The following NRXN2 variants were observed in gnomAD, a reference collection of about 807,000 sequenced individuals.
NRXN2 encodes neurexin-2-beta.
Under a neutral mutation model 128.8 loss-of-function variants are expected in NRXN2, and 29 were observed. The ratio of observed to expected loss-of-function variants is 0.23; its 90% CI spans 0.17 to 0.31. The LOEUF (loss-of-function observed/expected upper bound fraction) is 0.31. NRXN2 is among the 10% of genes least tolerant of loss of function. The pLI is 1.00. For missense variants in NRXN2, 1,881 were observed against 2,452.6 expected (o/e 0.77, Z 4.92); for synonymous variants, 1,098 against 1,075.2 (o/e 1.02, Z -0.41).
chr11:64,667,153 G>T lies in NRXN2; in HGVS notation c.1798+97C>A. On this transcript the variant is annotated intron_variant, in intron 9 of 22. Coordinates refer to ENST00000265459, the MANE Select transcript of NRXN2 (RefSeq NM_015080.4). This position sits in a 1 kb window ranked among gnomAD's most constrained non-coding sequence, Gnocchi z 5.6. ...AGCGGCAGGGAAGAATATAGGAAATGGTGTAGAAGAGACCCGCTGAAGAGA... is the reference window on the plus strand; with the variant it reads ...AGCGGCAGGGAAGAATATAGGAAATTGTGTAGAAGAGACCCGCTGAAGAGA... 8.3e-7 allele frequency: 1 copy of T among 1,207,654 alleles called. No individual in the cohort carries two copies. The allele number at this position is 1,207,654 out of a possible 1,614,324, so 74.8% of individuals were successfully genotyped here.
chr11:64,661,502 C>A, intron 9 of NRXN2: 2 of 720,670 alleles, frequency 2.8e-6, no homozygotes, highest in East Asian at 6.1e-5. Context: ...GTCATTCCTG[C>A]CAGCCAGTTC....
chr11:64,649,833 C>T lies in NRXN2; in HGVS notation c.3109+615G>A, dbSNP rs149561913. Among the ~76,000 whole-genome samples, 503 of 152,192 alleles carry T rather than the reference C, an allele frequency of 3.3e-3. 3 individuals carry two copies. The highest frequency in any genetic ancestry group is 0.011 in the African/African-American group (459 of 41,502). On this transcript the variant is annotated intron_variant, in intron 15 of 22. Transcript: ENST00000265459. ...CTGGAGAAGCTGCATCTTTCCTGTC[C>T]CAATGCTCAGGCCTTAGCTCACCCT...
Position 64,635,521 on chromosome 11 carries a change from G to T in NRXN2, c.3404-69C>A, listed in dbSNP as rs920588885. 9 of 1,536,314 alleles carry T rather than the reference G, an allele frequency of 5.9e-6. No homozygotes were observed. The highest frequency in any genetic ancestry group is 4.1e-5 in the African/African-American group (3 of 73,388). On this transcript the variant is annotated intron_variant, in intron 17 of 22. Coordinates refer to ENST00000265459, the MANE Select transcript of NRXN2 (RefSeq NM_015080.4). This position sits in a 1 kb window ranked among gnomAD's most constrained non-coding sequence, Gnocchi z 4.8. ...AGGACGAGGTCAGCAGGTCCTCAGG[G>T]TTGTGACCAGAGGGATGGAACCCCA... is the stretch of plus-strand genomic sequence containing the variant.
intron 17 of NRXN2, among the ~76,000 whole-genome samples, chr11:64,646,031 AAGG>A (rs1211686429): frequency 6.6e-6 from 1 of 152,118 alleles, no homozygotes; most frequent in Non-Finnish European, 1.5e-5. Flanking sequence ...ACAAGCTAGG[AAGG>A]AGGAGTAGCC....
Position 64,648,864 on chromosome 11 carries a change from G to A in NRXN2, c.3153C>T (p.Asn1051=). Reference sequence around the variant, plus strand: ...CCCGGGAGGCCACCAGCTTGGGCAGGTTGCTGAACATATTCTTGCTCAGAC... The same window carrying A: ...CCCGGGAGGCCACCAGCTTGGGCAGATTGCTGAACATATTCTTGCTCAGAC... ...IGGLSKNMFS[N]LPKLVASRDG... The change falls in exon 16 of 23, where the codon AAC becomes AAT. Residue 1051 remains asparagine (N), a synonymous_variant. Coordinates refer to ENST00000265459, the MANE Select transcript of NRXN2 (RefSeq NM_015080.4). This position sits in a 1 kb window ranked among gnomAD's most constrained non-coding sequence, Gnocchi z 4.1. The A allele has an allele frequency of 6.2e-7, 1 of 1,614,202 alleles. No homozygotes were observed. Among genetic ancestry groups the A allele is most frequent in the Non-Finnish European group, 8.5e-7 (1 of 1,180,030 alleles).
chr11:64,624,492 G>C (rs1284325795), intron 20 of NRXN2, among the ~76,000 whole-genome samples: 1 of 152,228 alleles, frequency 6.6e-6, no homozygotes, highest in African/African-American at 2.4e-5. Context: ...TAGCAGCTCT[G>C]GTACAAGTCC....
chr11:64,677,478 C>T (rs1354789710), intron 6 of NRXN2, among the ~76,000 whole-genome samples: 2 of 152,170 alleles, frequency 1.3e-5, no homozygotes, highest in African/African-American at 4.8e-5. Context: ...TGACATTCCG[C>T]AGATGAGACA....
In NRXN2 at chr11:64,667,029, G is replaced by A. The variant is rs960137866; in HGVS notation, c.1798+221C>T. The stretch of plus-strand genomic sequence containing the variant: ...ACATGCAGCAAGTAGGGGAGCTGAG[G>A]TGTAATCCAGGTCTGACTGATGCCA... On this transcript the variant is annotated intron_variant, in intron 9 of 22. Coordinates refer to ENST00000265459, the MANE Select transcript of NRXN2 (RefSeq NM_015080.4). This position sits in a 1 kb window ranked among gnomAD's most constrained non-coding sequence, Gnocchi z 5.6. Among the ~76,000 whole-genome samples the A allele has an allele frequency of 6.6e-6, 1 of 152,186 alleles. No individual in the cohort carries two copies. The highest frequency in any genetic ancestry group is 1.5e-5 in the Non-Finnish European group (1 of 68,040).
At chr11:64,706,053 G>T (rs553044602) in intron 2 of NRXN2, among the ~76,000 whole-genome samples, 2 of 45,548 alleles carry the variant, frequency 4.4e-5, no homozygotes, top group South Asian at 1.8e-3. Context: ...AGCTCCCTAA[G>T]TACAGCACTT....
chr11:64,650,349 G>A (rs1363333899), intron 15 of NRXN2, 99 bp downstream of exon 15: 9 of 1,250,580 alleles, frequency 7.2e-6, no homozygotes, highest in African/African-American at 4.4e-5. Context: ...ACTGGGGGCA[G>A]GGAACCGAGG....
chr11:64,680,751 G>T (rs1329415043), intron 6 of NRXN2, among the ~76,000 whole-genome samples: 1 of 152,156 alleles, frequency 6.6e-6, no homozygotes, highest in Non-Finnish European at 1.5e-5. Flanking sequence ...GAAAGATAAA[G>T]TCCTGAGGAA....
Position 64,690,446 on chromosome 11 carries a change from G to GC in NRXN2, c.808dup (p.Ala270GlyfsTer27), listed in dbSNP as rs754860965. ...CACATCGCCGGCTCCTCCTCTCCCG[G>GC]CCCCCCCCTCGGAGAACAGTAAGGA... is the stretch of plus-strand genomic sequence containing the variant. On this transcript the variant is annotated frameshift_variant, in exon 5 of 23. Coordinates refer to ENST00000265459, the MANE Select transcript of NRXN2 (RefSeq NM_015080.4). LOFTEE classifies it high-confidence loss of function. The GC allele has an allele frequency of 1.3e-4, 210 of 1,606,072 alleles. No homozygotes were observed. Among genetic ancestry groups the GC allele is most frequent in the Admixed American group, 3.5e-4 (21 of 59,738 alleles).
In NRXN2 at chr11:64,651,612, C is replaced by T. The variant is rs1172550747; in HGVS notation, c.2561G>A (p.Arg854Gln). The T allele has an allele frequency of 5.0e-6, 8 of 1,613,998 alleles. No individual in the cohort carries two copies. The highest frequency in any genetic ancestry group is 2.2e-5 in the South Asian group (2 of 91,072). Residue 854 changes from arginine to glutamine, a missense_variant, in exon 14 of 23, where the codon CGG (arginine) becomes CAG (glutamine). This residue lies in a region of NRXN2 where 997 missense variants were observed against 1,240.8 expected (regional missense o/e 0.80). Coordinates refer to ENST00000265459, the MANE Select transcript of NRXN2 (RefSeq NM_015080.4). The surrounding 1 kb of genome is among the most constrained non-coding windows in gnomAD (Gnocchi z 5.9). ...VEGQMAGAHM[R>Q]LEFHNIETGI... is the part of the protein sequence containing the mutation. ...CGTCTCAATGTTGTGGAACTCCAGC[C>T]GCATATGGGCTCCTGCCATCTGTCC...
At chr11:64,678,881 A>G (rs2051744897) in intron 6 of NRXN2, among the ~76,000 whole-genome samples, 1 of 152,232 alleles carries the variant, frequency 6.6e-6, no homozygotes, top group Non-Finnish European at 1.5e-5. Flanking sequence ...CTAATTCAGT[A>G]AGATGATGAA....
intron 17 of NRXN2, chr11:64,642,691 G>C (rs746500784): frequency 6.5e-7 from 1 of 1,536,148 alleles, no homozygotes; most frequent in Non-Finnish European, 8.7e-7. Context: ...CAGCAACAGC[G>C]GCAACAGCGG....
intron 2 of NRXN2, among the ~76,000 whole-genome samples, chr11:64,704,623 C>CACACACACAGAG (rs1336665936): frequency 6.2e-5 from 5 of 81,206 alleles, no homozygotes; most frequent in African/African-American, 1.9e-4. Context: ...CACACACACA[C>CACACACACAGAG]AGAGAGAGAG....
chr11:64,673,378 G>C (rs928920919), intron 7 of NRXN2, among the ~76,000 whole-genome samples: 2 of 152,092 alleles, frequency 1.3e-5, no homozygotes, highest in Admixed American at 6.5e-5. Context: ...CAAACAACAT[G>C]AAAATAGTCC....
At chr11:64,641,459 G>A (rs1648061511) in intron 17 of NRXN2, among the ~76,000 whole-genome samples, 1 of 152,012 alleles carries the variant, frequency 6.6e-6, no homozygotes, top group African/African-American at 2.4e-5. Context: ...GGGCTGACAT[G>A]AGATGAAATA....
intron 6 of NRXN2, among the ~76,000 whole-genome samples, chr11:64,682,774 G>A (rs61884412): frequency 7.9e-5 from 12 of 152,102 alleles, no homozygotes; most frequent in Non-Finnish European, 1.8e-4. Flanking sequence ...AATAGACCTC[G>A]GGGAATCCTC....
Sources: gnomAD v4.1 joint callset for allele counts (sites outside exome capture counted in the v4.1 genomes callset) on GRCh38, gnomAD v4.1.1 for gene constraint, gnomAD v4.1.1 regional missense constraint, Gnocchi (gnomAD v3.1) non-coding constraint, MANE v1.5 for transcripts, NCBI Gene and HGNC (gene_info 2026-07-23, HGNC 2026-07-21) for gene names.